IL1RAPL2: variants seen among roughly 807,000 people sequenced by gnomAD.
The protein encoded by IL1RAPL2 is interleukin 1 receptor accessory protein like 2, also known as X-linked interleukin-1 receptor accessory protein-like 2.
In IL1RAPL2, 3 loss-of-function variants were observed where a neutral mutation model predicts 44.1. The ratio of observed to expected loss-of-function variants is 0.07; its 90% CI spans 0.03 to 0.18. The LOEUF (loss-of-function observed/expected upper bound fraction) is 0.18, where lower values mean the gene tolerates loss of function less well. IL1RAPL2 is among the 10% of genes least tolerant of loss of function. The pLI, the probability that IL1RAPL2 is intolerant of heterozygous loss-of-function variation, is 1.00. For synonymous variants in IL1RAPL2, 181 were observed against 178.8 expected, an observed-to-expected ratio of 1.01 and a Z score of -0.10; for missense variants, 391 against 496.4, an observed-to-expected ratio of 0.79 and a Z score of 2.02.
intron 1 of IL1RAPL2, among the ~76,000 whole-genome samples, chrX:104,640,560 T>G (rs1929913532): frequency 8.9e-6 from 1 of 112,117 alleles, no homozygotes; most frequent in Non-Finnish European, 1.9e-5. Flanking sequence ...TTTCCTTGCT[T>G]TTTTGTGTTC....
At chrX:104,876,427 G>A (rs184936748) in intron 2 of IL1RAPL2, among the ~76,000 whole-genome samples, 1 of 111,654 alleles carries the variant, frequency 9.0e-6, no homozygotes, top group East Asian at 2.8e-4. Context: ...AAGACTTTAA[G>A]AAGTCAAAGA....
intron 1 of IL1RAPL2, among the ~76,000 whole-genome samples, chrX:104,642,763 G>A (rs185217116): frequency 1.8e-4 from 20 of 111,920 alleles, no homozygotes; most frequent in African/African-American, 5.2e-4. Flanking sequence ...GGGATTACAG[G>A]CATGAGCCAC....
At chrX:105,185,018 A>G (rs2033572071) in intron 2 of IL1RAPL2, among the ~76,000 whole-genome samples, 1 of 111,678 alleles carries the variant, frequency 9.0e-6, no homozygotes, top group African/African-American at 3.3e-5. Context: ...CTTTACGTAC[A>G]CTCTCTTAGA....
At chrX:105,129,446 T>C (rs1350751045) in intron 2 of IL1RAPL2, among the ~76,000 whole-genome samples, 2 of 110,961 alleles carry the variant, frequency 1.8e-5, no homozygotes, top group Non-Finnish European at 3.8e-5. Context: ...ATGTAAATTT[T>C]GAAGGGACAT....
Position 105,005,420 on chromosome X carries a change from A to T in IL1RAPL2, c.83-190055A>T, listed in dbSNP as rs151304746. On this transcript the variant is annotated intron_variant, in intron 2 of 10. Transcript: ENST00000372582. ...CGTGGGCATCACCTGGGAGCTCATA[A>T]ATGCAGAATCTCAGGCCTCACGCCA... Among the ~76,000 whole-genome samples, 307 of 111,484 alleles carry T rather than the reference A, an allele frequency of 2.8e-3. 3 individuals carry two copies. Among genetic ancestry groups the T allele is most frequent in the Admixed American group, 0.024 (255 of 10,518 alleles).
chrX:105,190,155 A>C (rs1569400373), intron 2 of IL1RAPL2, among the ~76,000 whole-genome samples: 1 of 111,104 alleles, frequency 9.0e-6, no homozygotes, highest in East Asian at 2.8e-4. Flanking sequence ...TGGATGTTCT[A>C]TTCTAAGGGC....
Position 104,589,052 on chromosome X carries a change from C to T in IL1RAPL2, c.-20+22001C>T, listed in dbSNP as rs762915378. Among the ~76,000 whole-genome samples the T allele has an allele frequency of 1.5e-3, 167 of 111,637 alleles. 1 individual carries two copies. Among genetic ancestry groups the T allele is most frequent in the African/African-American group, 5.1e-3 (156 of 30,709 alleles). On this transcript the variant is annotated intron_variant, in intron 1 of 10. Coordinates refer to ENST00000372582, the MANE Select transcript of IL1RAPL2 (RefSeq NM_017416.2). ...TGGGATAGAATTAATTTATCTATGACGGAGGTTGCAAATTTTTTTGTGTGA... is the reference window on the plus strand; with the variant it reads ...TGGGATAGAATTAATTTATCTATGATGGAGGTTGCAAATTTTTTTGTGTGA...
intron 2 of IL1RAPL2, among the ~76,000 whole-genome samples, chrX:104,800,129 A>C (rs1340276002): frequency 9.0e-6 from 1 of 110,971 alleles, no homozygotes; most frequent in Non-Finnish European, 1.9e-5. Flanking sequence ...AAGCTTATTT[A>C]CTACAAGAAT....
intron 6 of IL1RAPL2, among the ~76,000 whole-genome samples, chrX:105,506,163 G>C (rs1439182911): frequency 9.0e-6 from 1 of 111,531 alleles, no homozygotes; most frequent in Non-Finnish European, 1.9e-5. Flanking sequence ...GAGCAACTGA[G>C]TGAGTAAAGA....
At chrX:105,303,238 G>T (rs1414271951) in intron 5 of IL1RAPL2, among the ~76,000 whole-genome samples, 1 of 111,758 alleles carries the variant, frequency 8.9e-6, no homozygotes, top group Non-Finnish European at 1.9e-5. Flanking sequence ...AGGAGACAAT[G>T]ATTTTTACTG....
At chrX:105,555,568 C>T (rs1602465868) in intron 6 of IL1RAPL2, among the ~76,000 whole-genome samples, 1 of 111,962 alleles carries the variant, frequency 8.9e-6, no homozygotes, top group East Asian at 2.8e-4. Context: ...TGGCTTCCCC[C>T]TATGTCTTAG....
At chrX:104,710,943 T>C (rs1346326257) in intron 2 of IL1RAPL2, among the ~76,000 whole-genome samples, 1 of 111,536 alleles carries the variant, frequency 9.0e-6, no homozygotes, top group African/African-American at 3.2e-5. Flanking sequence ...CTCTTTATCA[T>C]TGTTTTAGAG....
At chrX:104,661,787 T>G (rs1412106631) in intron 2 of IL1RAPL2, among the ~76,000 whole-genome samples, 1 of 111,934 alleles carries the variant, frequency 8.9e-6, no homozygotes, top group Non-Finnish European at 1.9e-5. Flanking sequence ...AGATCCAGGT[T>G]TAAGCTCGCA....
In IL1RAPL2 at chrX:104,938,597, T is replaced by C. The variant is rs949833959; in HGVS notation, c.83-256878T>C. ...TAAATTTATATAATGAATTATTCAC[T>C]CTTCTTTCCCTTTTGTTTTCTGCTC... On this transcript the variant is annotated intron_variant, in intron 2 of 10. Transcript: ENST00000372582. Among the ~76,000 whole-genome samples, 5 of 111,072 alleles carry C rather than the reference T, an allele frequency of 4.5e-5. No individual in the cohort carries two copies. In the South Asian group the frequency reaches 1.9e-3, roughly 43 times the overall value.
At chrX:104,871,232 T>C (rs1467227607) in intron 2 of IL1RAPL2, among the ~76,000 whole-genome samples, 1 of 111,926 alleles carries the variant, frequency 8.9e-6, no homozygotes, top group African/African-American at 3.2e-5. Flanking sequence ...TTTAAAAATA[T>C]TTTATATTCG....
At chrX:104,590,137 C>T (rs1228121619) in intron 1 of IL1RAPL2, among the ~76,000 whole-genome samples, 2 of 111,368 alleles carry the variant, frequency 1.8e-5, no homozygotes, top group Non-Finnish European at 3.8e-5. Flanking sequence ...CTCTGCCTCC[C>T]GGGTTCAAGT....
At chrX:105,225,453 G>C (rs2034004379) in intron 3 of IL1RAPL2, among the ~76,000 whole-genome samples, 1 of 111,090 alleles carries the variant, frequency 9.0e-6, no homozygotes, top group Non-Finnish European at 1.9e-5. Context: ...GGAATCGGTA[G>C]ATAGCATGAT....
At chrX:105,448,699 G>C (rs918398809) in intron 5 of IL1RAPL2, among the ~76,000 whole-genome samples, 1 of 110,565 alleles carries the variant, frequency 9.0e-6, no homozygotes, top group Admixed American at 9.6e-5. Flanking sequence ...CCCTTTCCAG[G>C]CTTTTTTCTC....
intron 2 of IL1RAPL2, among the ~76,000 whole-genome samples, chrX:105,025,547 C>T (rs749556924): frequency 2.3e-4 from 26 of 111,201 alleles, no homozygotes; most frequent in Non-Finnish European, 4.2e-4. Flanking sequence ...GCAATATACT[C>T]CCTTTTTCCT....
Sources: gnomAD v4.1 joint callset for allele counts (sites outside exome capture counted in the v4.1 genomes callset) on GRCh38, gnomAD v4.1.1 for gene constraint, MANE v1.5 for transcripts, NCBI Gene and HGNC (gene_info 2026-07-23, HGNC 2026-07-21) for gene names.